The following PRKG1 variants were observed in gnomAD, a reference collection of about 807,000 sequenced individuals.
PRKG1 encodes protein kinase cGMP-dependent 1.
PRKG1 carries 35 observed loss-of-function variants against 88.1 expected under a neutral mutation model. The ratio of observed to expected loss-of-function variants is 0.40; its 90% CI spans 0.30 to 0.53. The LOEUF (loss-of-function observed/expected upper bound fraction) is 0.53, where lower values mean the gene tolerates loss of function less well. Among genes scored for constraint, PRKG1 ranks in the 20% least tolerant of loss-of-function variants. The probability of loss-of-function intolerance (pLI) is 0.59; values close to 1 mark genes in which losing one functional copy is unlikely to be tolerated. For missense variants in PRKG1, 540 were observed against 839.8 expected, an observed-to-expected ratio of 0.64 and a Z score of 4.41; for synonymous variants, 303 against 292.5, an observed-to-expected ratio of 1.04 and a Z score of -0.37.
At chr10:51,198,167 G>A (rs1333008248) in intron 2 of PRKG1, among the ~76,000 whole-genome samples, 4 of 152,128 alleles carry the variant, frequency 2.6e-5, no homozygotes, top group African/African-American at 9.7e-5. Context: ...TACTGGTGAT[G>A]GTGGTATTAG....
intron 3 of PRKG1, among the ~76,000 whole-genome samples, chr10:51,725,808 A>G (rs1405559266): frequency 6.6e-6 from 1 of 151,510 alleles, no homozygotes. Context: ...TAATTTTTGT[A>G]TTTGTATTTT....
intron 4 of PRKG1, among the ~76,000 whole-genome samples, chr10:51,813,413 C>T (rs1839506596): frequency 6.6e-6 from 1 of 152,152 alleles, no homozygotes; most frequent in South Asian, 2.1e-4. Flanking sequence ...TAAACCCTCC[C>T]ACTATCAAGG....
At chr10:51,271,897 T>C (rs1032522519) in intron 2 of PRKG1, among the ~76,000 whole-genome samples, 1 of 152,236 alleles carries the variant, frequency 6.6e-6, no homozygotes, top group African/African-American at 2.4e-5. Context: ...TGTGTCTTTA[T>C]AGTAGAATGA....
In PRKG1 at chr10:52,294,381, T is replaced by C. The variant is rs1328058649; in HGVS notation, c.*481T>C. The C allele has an allele frequency of 1.3e-5, 2 of 152,452 alleles. No homozygotes were observed. Among genetic ancestry groups the C allele is most frequent in the African/African-American group, 4.8e-5 (2 of 41,446 alleles). The allele number at this position is 152,452 out of a possible 1,614,324, so 9.4% of individuals were successfully genotyped here. A position where few individuals can be genotyped will look rare whatever the true frequency, so the allele number is the denominator to read the frequency against. On this transcript the variant is annotated 3_prime_UTR_variant, in exon 18 of 18. Coordinates refer to ENST00000373980, the MANE Select transcript of PRKG1 (RefSeq NM_006258.4). ...TTACTGCAGGCCGGTGTATATACCA[T>C]ACAAAAGAGGACCACACATCTGTTG...
chr10:51,365,910 T>A (rs1842578743), intron 2 of PRKG1, among the ~76,000 whole-genome samples: 1 of 150,434 alleles, frequency 6.6e-6, no homozygotes, highest in Admixed American at 6.6e-5. Context: ...TCTCCATCAC[T>A]ATACGAAAAA....
chr10:51,909,843 A>T (rs549238368), intron 5 of PRKG1: 1 of 152,448 alleles, frequency 6.6e-6, no homozygotes, highest in Admixed American at 6.5e-5. Flanking sequence ...AATGGGGTCA[A>T]CAGGTAGGAA....
At chr10:52,014,033 G>T (rs561515773) in intron 5 of PRKG1, among the ~76,000 whole-genome samples, 1 of 151,998 alleles carries the variant, frequency 6.6e-6, no homozygotes, top group Admixed American at 6.5e-5. Context: ...AATCCAGATA[G>T]AATACTCTGA....
intron 9 of PRKG1, among the ~76,000 whole-genome samples, chr10:52,217,317 T>C (rs1022631457): frequency 6.7e-6 from 1 of 148,472 alleles, no homozygotes; most frequent in African/African-American, 2.5e-5. Context: ...AATATACATA[T>C]ACACACACAC....
intron 5 of PRKG1, among the ~76,000 whole-genome samples, chr10:52,029,601 G>C (rs1845428185): frequency 6.6e-6 from 1 of 152,128 alleles, no homozygotes; most frequent in African/African-American, 2.4e-5. Context: ...ATCTGAGTCT[G>C]GTACTTTAGT....
chr10:51,204,393 T>C (rs953830626), intron 2 of PRKG1, among the ~76,000 whole-genome samples: 1 of 152,072 alleles, frequency 6.6e-6, no homozygotes, highest in African/African-American at 2.4e-5. Context: ...TGTGTGTGTG[T>C]GTGTGTGTAC....
At chr10:51,566,615 C>G (rs969503002) in intron 3 of PRKG1, among the ~76,000 whole-genome samples, 2 of 151,670 alleles carry the variant, frequency 1.3e-5, no homozygotes, top group African/African-American at 4.8e-5. Flanking sequence ...GAAGGTTTCT[C>G]CGAGAAGTTG....
At chr10:51,945,594 G>T (rs931782396) in intron 5 of PRKG1, among the ~76,000 whole-genome samples, 4 of 151,684 alleles carry the variant, frequency 2.6e-5, no homozygotes, top group East Asian at 2.0e-4. Flanking sequence ...TGGCTGGTAT[G>T]GGTTGTTCCT....
intron 1 of PRKG1, among the ~76,000 whole-genome samples, chr10:51,119,940 T>A (rs938689349): frequency 1.3e-5 from 2 of 152,138 alleles, no homozygotes; most frequent in African/African-American, 4.8e-5. Flanking sequence ...ACAGTGATCA[T>A]GAGCTTGGAC....
At chr10:51,816,733 C>A (rs1041138837) in intron 4 of PRKG1, among the ~76,000 whole-genome samples, 1 of 152,000 alleles carries the variant, frequency 6.6e-6, no homozygotes, top group South Asian at 2.1e-4. Flanking sequence ...AGAAGAACTC[C>A]AATTAAGCAG....
At chr10:51,752,775 T>C (rs1837759877) in intron 3 of PRKG1, among the ~76,000 whole-genome samples, 1 of 152,106 alleles carries the variant, frequency 6.6e-6, no homozygotes. Context: ...ACTGTATACT[T>C]CGTAGAGTGA....
rs542064004 is a variant in PRKG1, at chr10:51,177,836, A to G, written c.478+24506A>G. Reference sequence around the variant, plus strand: ...ATCAATATGATTACATTTATATTTAATTATTTTTAGAAATTCTGACTGATA... The same window carrying G: ...ATCAATATGATTACATTTATATTTAGTTATTTTTAGAAATTCTGACTGATA... On this transcript the variant is annotated intron_variant, in intron 2 of 17. Transcript: ENST00000373980. 2.2e-3 allele frequency among the ~76,000 whole-genome samples: 335 copies of G among 152,072 alleles called. 2 individuals carry two copies. The highest frequency in any genetic ancestry group is 7.9e-3 in the African/African-American group (326 of 41,514).
Position 52,167,288 on chromosome 10 carries a change from G to C in PRKG1, c.1076+5325G>C, listed in dbSNP as rs144150412. 3.2e-4 allele frequency among the ~76,000 whole-genome samples: 48 copies of C among 152,110 alleles called. 1 individual carries two copies. The East Asian group carries it at 8.4e-3, about 27-fold the overall frequency. ...CTTAAACCACCAGCTCTCACTCTGT[G>C]AACTAAGAGAAGGAGAACTCACTTA... On this transcript the variant is annotated intron_variant, in intron 9 of 17. Coordinates refer to ENST00000373980, the MANE Select transcript of PRKG1 (RefSeq NM_006258.4).
intron 2 of PRKG1, among the ~76,000 whole-genome samples, chr10:51,252,055 A>ATG (rs139723461): frequency 6.6e-6 from 1 of 151,636 alleles, no homozygotes. Flanking sequence ...AATGTAATTC[A>ATG]TGTGTGTGTG....
At chr10:51,282,429 C>T (rs1022182589) in intron 2 of PRKG1, among the ~76,000 whole-genome samples, 3 of 152,068 alleles carry the variant, frequency 2.0e-5, no homozygotes, top group African/African-American at 7.2e-5. Context: ...GAGTAAGCAA[C>T]AATGCTTACA....
Sources: gnomAD v4.1 joint callset for allele counts (sites outside exome capture counted in the v4.1 genomes callset) on GRCh38, gnomAD v4.1.1 for gene constraint, MANE v1.5 for transcripts, NCBI Gene and HGNC (gene_info 2026-07-23, HGNC 2026-07-21) for gene names.